RIC1: variants seen among roughly 807,000 people sequenced by gnomAD.
The protein encoded by RIC1 is guanine nucleotide exchange factor subunit RIC1.
In RIC1, 88 loss-of-function variants were observed where a neutral mutation model predicts 169.0. The ratio of observed to expected loss-of-function variants is 0.52; its 90% CI spans 0.44 to 0.62. RIC1 has a LOEUF of 0.62. Ranked by LOEUF, RIC1 falls within the 20% of genes least tolerant of loss-of-function variation. The pLI is 0.00. For synonymous variants in RIC1, 790 were observed against 601.5 expected, an observed-to-expected ratio of 1.31 and a Z score of -4.59; for missense variants, 1,877 against 1,725.5, an observed-to-expected ratio of 1.09 and a Z score of -1.56.
At chr9:5,646,850 T>G (rs1818543851) in intron 1 of RIC1, among the ~76,000 whole-genome samples, 1 of 152,230 alleles carries the variant, frequency 6.6e-6, no homozygotes, top group Non-Finnish European at 1.5e-5. Context: ...TTGTTGCCTG[T>G]GCTTTCAGTA....
At chr9:5,699,720 G>A (rs1339491003) in intron 3 of RIC1, among the ~76,000 whole-genome samples, 2 of 151,930 alleles carry the variant, frequency 1.3e-5, no homozygotes, top group African/African-American at 2.4e-5. Context: ...TTAGATTTTT[G>A]CAATAATCTG....
intron 2 of RIC1, among the ~76,000 whole-genome samples, chr9:5,680,466 G>C (rs982893818): frequency 2.0e-4 from 30 of 152,216 alleles, no homozygotes; most frequent in African/African-American, 6.5e-4. Context: ...GAATCCATCT[G>C]GTTCTGGACT....
At chr9:5,755,782 G>C (rs903135182) in intron 15 of RIC1, among the ~76,000 whole-genome samples, 1 of 152,096 alleles carries the variant, frequency 6.6e-6, no homozygotes, top group African/African-American at 2.4e-5. Context: ...AATTATCCAG[G>C]TATGGTGGCA....
At chr9:5,714,230 G>A (rs1298556406) in intron 4 of RIC1, among the ~76,000 whole-genome samples, 1 of 152,006 alleles carries the variant, frequency 6.6e-6, no homozygotes, top group Non-Finnish European at 1.5e-5. Context: ...ATCTTATTTT[G>A]AAATTTATAT....
intron 10 of RIC1, among the ~76,000 whole-genome samples, chr9:5,745,211 G>A (rs1013113621): frequency 2.6e-5 from 4 of 152,030 alleles, no homozygotes; most frequent in Non-Finnish European, 5.9e-5. Flanking sequence ...TTTATCATAG[G>A]AAAACATAAA....
At chr9:5,696,324 A>G (rs1262462042) in intron 3 of RIC1, among the ~76,000 whole-genome samples, 2 of 151,798 alleles carry the variant, frequency 1.3e-5, no homozygotes, top group Non-Finnish European at 2.9e-5. Flanking sequence ...CTTTCTCCAT[A>G]TCTTGAACAC....
chr9:5,745,301 G>A (rs191288973), intron 10 of RIC1, among the ~76,000 whole-genome samples: 1 of 152,262 alleles, frequency 6.6e-6, no homozygotes, highest in Admixed American at 6.5e-5. Context: ...CTTGAAGATT[G>A]AGAATCACTA....
chr9:5,693,144 G>A (rs1260490047), intron 3 of RIC1, among the ~76,000 whole-genome samples: 1 of 152,090 alleles, frequency 6.6e-6, no homozygotes, highest in African/African-American at 2.4e-5. Context: ...TAGTCCTGAA[G>A]AATAGAGGCA....
At chr9:5,686,815 C>G (rs1821272646) in intron 2 of RIC1, among the ~76,000 whole-genome samples, 1 of 151,898 alleles carries the variant, frequency 6.6e-6, no homozygotes, top group South Asian at 2.1e-4. Flanking sequence ...GGATCTTGGC[C>G]TGTAGTTATA....
At position 5,775,675 on chromosome 9, in the gene RIC1, T is replaced by G. The variant is rs1173073948; in HGVS notation, c.*1429T>G. The G allele has an allele frequency of 1.3e-5, 2 of 152,206 alleles. No individual in the cohort carries two copies. The highest frequency in any genetic ancestry group is 1.9e-4 in the East Asian group (1 of 5,202). 9.4% of individuals were successfully genotyped at this position (152,206 alleles called of 1,614,324 possible). On this transcript the variant is annotated 3_prime_UTR_variant, in exon 26 of 26. Coordinates refer to ENST00000414202, the MANE Select transcript of RIC1 (RefSeq NM_020829.4). ...CTAGATTTAGTTGTCTTAGCCAGGT[T>G]TCCTTTGAAGAGAAACTCAAAACCA...
Position 5,745,784 on chromosome 9 carries a change from GTCTGTGTTAT to G in RIC1, c.1096-146_1096-137del. ...AGAGGTAACTGAAGGTGTGATTCTT[GTCTGTGTTAT>G]CACGGTTTCTCCAACCTTCACAAAT... On this transcript the variant is annotated intron_variant, in intron 10 of 25. Transcript: ENST00000414202. The G allele has an allele frequency of 9.3e-6, 6 of 643,106 alleles. No individual in the cohort carries two copies. In the South Asian group the frequency reaches 1.3e-4, roughly 14 times the overall value. 39.8% of individuals were successfully genotyped at this position (643,106 alleles called of 1,614,324 possible). A position where few individuals can be genotyped will look rare whatever the true frequency, so the allele number is the denominator to read the frequency against.
chr9:5,667,800 G>A (rs1819866230), intron 2 of RIC1, among the ~76,000 whole-genome samples: 3 of 152,132 alleles, frequency 2.0e-5, no homozygotes, highest in Admixed American at 6.5e-5. Flanking sequence ...CACCGCACTG[G>A]GCCTGAGATG....
intron 14 of RIC1, 38 bp downstream of exon 14, chr9:5,753,684 G>T: frequency 9.3e-7 from 1 of 1,079,850 alleles, no homozygotes. Context: ...ATTTCTCAAA[G>T]TATAAGAGAA....
chr9:5,663,405 C>T lies in RIC1; in HGVS notation c.252+6715C>T, dbSNP rs553837182. On this transcript the variant is annotated intron_variant, in intron 2 of 25. Transcript: ENST00000414202. ...GTTAATTTTCTGTCTTGGTGATCTG[C>T]CTAATATTGTCAATGGTGTGTTAAG... Among the ~76,000 whole-genome samples the T allele has an allele frequency of 2.8e-4, 42 of 151,854 alleles. No homozygotes were observed. In the Middle Eastern group the frequency reaches 0.027, roughly 98 times the overall value.
intron 2 of RIC1, among the ~76,000 whole-genome samples, chr9:5,674,187 T>C (rs1030696976): frequency 7.2e-5 from 11 of 152,168 alleles, no homozygotes; most frequent in Admixed American, 5.9e-4. Context: ...GGTGAAACTA[T>C]TGGCAGTTTA....
downstream of RIC1, among the ~76,000 whole-genome samples, chr9:5,778,591 C>T (rs1827699543): frequency 6.6e-6 from 1 of 152,116 alleles, no homozygotes; most frequent in African/African-American, 2.4e-5. Flanking sequence ...AATCCAAATC[C>T]CTTCCATGAT....
At chr9:5,742,715 A>G (rs1319442545) in intron 8 of RIC1, among the ~76,000 whole-genome samples, 154 bp from the exon 9 acceptor site, 1 of 151,824 alleles carries the variant, frequency 6.6e-6, no homozygotes, top group African/African-American at 2.4e-5. Flanking sequence ...ACTAACTTTA[A>G]GTAGTCCTAA....
chr9:5,731,027 C>A (rs535436580), intron 6 of RIC1, among the ~76,000 whole-genome samples: 1 of 152,140 alleles, frequency 6.6e-6, no homozygotes. Context: ...CAAAAGGCAT[C>A]CTTATAGGGA....
chr9:5,766,943 A>C (rs1339399769), intron 21 of RIC1, among the ~76,000 whole-genome samples: 2 of 152,198 alleles, frequency 1.3e-5, no homozygotes, highest in Admixed American at 6.5e-5. Flanking sequence ...CAGCTGTACT[A>C]GTTTACATTC....
Sources: gnomAD v4.1 joint callset for allele counts (sites outside exome capture counted in the v4.1 genomes callset) on GRCh38, gnomAD v4.1.1 for gene constraint, MANE v1.5 for transcripts, NCBI Gene and HGNC (gene_info 2026-07-23, HGNC 2026-07-21) for gene names.